The following DROSHA variants were observed in gnomAD, a reference collection of about 807,000 sequenced individuals.
DROSHA encodes the protein ribonuclease 3.
DROSHA carries 56 observed loss-of-function variants against 181.9 expected under a neutral mutation model. The ratio of observed to expected loss-of-function variants is 0.31; its 90% CI spans 0.25 to 0.38. The LOEUF is 0.38. Among genes scored for constraint, DROSHA ranks in the 10% least tolerant of loss-of-function variants. The probability of loss-of-function intolerance (pLI) is 1.00; values close to 1 mark genes in which losing one functional copy is unlikely to be tolerated. For synonymous variants in DROSHA, 524 were observed against 591.2 expected, an observed-to-expected ratio of 0.89 and a Z score of 1.65; for missense variants, 1,218 against 1,743.5, an observed-to-expected ratio of 0.70 and a Z score of 5.37.
intron 23 of DROSHA, among the ~76,000 whole-genome samples, chr5:31,440,320 T>G (rs1400282202): frequency 6.6e-6 from 1 of 152,246 alleles, no homozygotes; most frequent in African/African-American, 2.4e-5. Flanking sequence ...ATTATTCTGT[T>G]TCATGTGTGC....
intron 13 of DROSHA, among the ~76,000 whole-genome samples, chr5:31,492,689 C>A (rs1296992948): frequency 1.3e-5 from 2 of 152,156 alleles, no homozygotes; most frequent in African/African-American, 4.8e-5. Flanking sequence ...TCCATTTGAA[C>A]CAATTACCAA....
intron 16 of DROSHA, among the ~76,000 whole-genome samples, chr5:31,475,724 G>GT (rs1215544451): frequency 1.3e-5 from 2 of 152,166 alleles, no homozygotes; most frequent in Admixed American, 6.6e-5. Flanking sequence ...CTAAAATACC[G>GT]TAAGAAGGAG....
intron 6 of DROSHA, 149 bp from the exon 7 acceptor site, chr5:31,515,713 C>A: frequency 8.8e-7 from 1 of 1,132,244 alleles, no homozygotes; most frequent in Non-Finnish European, 1.2e-6. Flanking sequence ...TCAATATGGC[C>A]ATAAATTTGG....
chr5:31,464,640 T>A lies in DROSHA; in HGVS notation c.2467-297A>T, dbSNP rs139554394. On this transcript the variant is annotated intron_variant, in intron 19 of 35. Transcript: ENST00000344624. ...CCTTTCATTGATAAAGGAAGCAAAA[T>A]GTGGTTTGGGATTTGAAATGAGCAT... is the stretch of plus-strand genomic sequence containing the variant. Among the ~76,000 whole-genome samples the A allele has an allele frequency of 1.3e-3, 202 of 150,746 alleles. 2 individuals carry two copies. In the East Asian group the frequency reaches 0.032, roughly 24 times the overall value.
rs1742737860 is a variant in DROSHA at position 31,421,898 on chromosome 5, T to TATATGCGCC, written c.3420-522_3420-521insGGCGCATAT. The stretch of plus-strand genomic sequence containing the variant: ...AAAAAAAAAAAAAAAAAAAAAAATA[T>TATATGCGCC]ATATATATAAAAATTAGCCGTGTGT... On this transcript the variant is annotated intron_variant, in intron 29 of 35. Transcript: ENST00000344624. The TATATGCGCC allele has an allele frequency of 1.6e-4, 8 of 50,478 alleles. 1 individual carries two copies. The highest frequency in any genetic ancestry group is 1.6e-3 in the South Asian group (2 of 1,278). 3.1% of individuals were successfully genotyped at this position (50,478 alleles called of 1,614,324 possible).
chr5:31,518,093 C>G (rs1203388717), intron 6 of DROSHA, among the ~76,000 whole-genome samples: 1 of 152,068 alleles, frequency 6.6e-6, no homozygotes, highest in Non-Finnish European at 1.5e-5. Context: ...GCCTACTACA[C>G]ACCTCGGACA....
chr5:31,412,280 C>T (rs1435508111), intron 30 of DROSHA, among the ~76,000 whole-genome samples: 5 of 152,178 alleles, frequency 3.3e-5, no homozygotes, highest in Admixed American at 3.3e-4. Context: ...GCATCTACAA[C>T]TACAACTTTT....
intron 6 of DROSHA, 142 bp from the exon 7 acceptor site, chr5:31,515,706 A>G (rs1197814410): frequency 1.6e-5 from 19 of 1,178,756 alleles, no homozygotes; most frequent in Non-Finnish European, 2.2e-5. Flanking sequence ...CAGGGTCTCA[A>G]TATGGCCATA....
intron 11 of DROSHA, among the ~76,000 whole-genome samples, chr5:31,501,200 T>C (rs556638022): frequency 6.6e-6 from 1 of 152,296 alleles, no homozygotes; most frequent in Non-Finnish European, 1.5e-5. Flanking sequence ...TGAATCATCA[T>C]TGATACTTGG....
chr5:31,490,817 G>C (rs1356996080), intron 13 of DROSHA, among the ~76,000 whole-genome samples: 4 of 152,114 alleles, frequency 2.6e-5, no homozygotes, highest in African/African-American at 9.7e-5. Flanking sequence ...CTGCACAACA[G>C]TCAGCTTAAA....
In DROSHA at chr5:31,411,337, A is replaced by G. The variant is rs1237595523; in HGVS notation, c.3526-450T>C. On this transcript the variant is annotated intron_variant, in intron 30 of 35. Coordinates refer to ENST00000344624, the MANE Select transcript of DROSHA (RefSeq NM_001382508.1). This position sits in a 1 kb window ranked among gnomAD's most constrained non-coding sequence, Gnocchi z 4.2. ...TAGATGAGTTTTGAAAAACATGTACATTTTTATCACTCCAAACAAATTCCC... is the reference window on the plus strand; with the variant it reads ...TAGATGAGTTTTGAAAAACATGTACGTTTTTATCACTCCAAACAAATTCCC... Among the ~76,000 whole-genome samples the G allele has an allele frequency of 6.6e-6, 1 of 152,118 alleles. No individual in the cohort carries two copies. Among genetic ancestry groups the G allele is most frequent in the African/African-American group, 2.4e-5 (1 of 41,408 alleles).
chr5:31,410,919 C>A (rs749835219), intron 30 of DROSHA, 32 bp from the exon 31 acceptor site: 1 of 1,612,464 alleles, frequency 6.2e-7, no homozygotes, highest in Non-Finnish European at 8.5e-7. Context: ...ACATTGAGAA[C>A]ACATTTCACT....
intron 26 of DROSHA, 42 bp from the exon 27 acceptor site, chr5:31,429,587 AC>A: frequency 6.4e-7 from 1 of 1,554,686 alleles, no homozygotes; most frequent in South Asian, 1.2e-5. Context: ...GTCTCCATCA[AC>A]AGTCAAAGAA....
At chr5:31,482,706 G>A (rs182960266) in intron 16 of DROSHA, among the ~76,000 whole-genome samples, 17 of 152,178 alleles carry the variant, frequency 1.1e-4, no homozygotes, top group African/African-American at 4.1e-4. Context: ...TGATAAAGCA[G>A]GTAATTGACT....
chr5:31,509,737 G>A (rs1393988021), intron 9 of DROSHA, among the ~76,000 whole-genome samples: 1 of 152,160 alleles, frequency 6.6e-6, no homozygotes, highest in African/African-American at 2.4e-5. Flanking sequence ...TAAAGTGACT[G>A]AATAAAAACA....
chr5:31,509,320 G>A (rs1482471704), intron 9 of DROSHA, among the ~76,000 whole-genome samples: 1 of 152,062 alleles, frequency 6.6e-6, no homozygotes, highest in Non-Finnish European at 1.5e-5. Context: ...GATCTTTAGA[G>A]AGAAAGTAAG....
At chr5:31,457,045 T>C (rs1747747445) in intron 20 of DROSHA, among the ~76,000 whole-genome samples, 1 of 150,266 alleles carries the variant, frequency 6.7e-6, no homozygotes. Context: ...AAGTGTAAGA[T>C]ACCACCATTC....
rs1194666955 is a variant in DROSHA, at chr5:31,422,827, C to A, written c.3379G>T (p.Ala1127Ser). 6.2e-7 allele frequency: 1 copy of A among 1,613,606 alleles called. No individual in the cohort carries two copies. The highest frequency in any genetic ancestry group is 8.5e-7 in the Non-Finnish European group (1 of 1,179,766). The change falls in exon 29 of 36, where the codon GCA becomes TCA. Residue 1127 changes from alanine (A) to serine (S), a missense_variant. Ala to Ser is a moderately conservative substitution (Grantham distance 99). This residue lies in a region of DROSHA where 23 missense variants were observed against 90.6 expected (regional missense o/e 0.25). Transcript: ENST00000344624. ...AATCCCACAGTTCTCAATGTGAATG[C>A]CCTTGCCAGAAGTCGAACATGAGTA... ...IFTHVRLLAR[A>S]FTLRTVGFNH...
intron 27 of DROSHA, among the ~76,000 whole-genome samples, chr5:31,427,827 C>G (rs923081417): frequency 6.6e-6 from 1 of 152,186 alleles, no homozygotes; most frequent in Non-Finnish European, 1.5e-5. Context: ...ACTAACATCT[C>G]TCACATGCTA....
Sources: gnomAD v4.1 joint callset for allele counts (sites outside exome capture counted in the v4.1 genomes callset) on GRCh38, gnomAD v4.1.1 for gene constraint, gnomAD v4.1.1 regional missense constraint, Gnocchi (gnomAD v3.1) non-coding constraint, MANE v1.5 for transcripts, NCBI Gene and HGNC (gene_info 2026-07-23, HGNC 2026-07-21) for gene names.